The following BBOX1 variants were observed in gnomAD, a reference collection of about 807,000 sequenced individuals.
The protein encoded by BBOX1 is gamma-butyrobetaine dioxygenase.
Under a neutral mutation model 41.6 loss-of-function variants are expected in BBOX1, and 35 were observed. That is an observed-to-expected ratio of 0.84 (90% CI 0.64 to 1.11). The LOEUF is 1.11. Among genes scored for constraint, BBOX1 ranks in the 50% most tolerant of loss-of-function variants. The probability of loss-of-function intolerance (pLI) is 0.00; values close to 1 mark genes in which losing one functional copy is unlikely to be tolerated. For synonymous variants in BBOX1, 163 were observed against 154.7 expected, an observed-to-expected ratio of 1.05 and a Z score of -0.40; for missense variants, 458 against 460.6, an observed-to-expected ratio of 0.99 and a Z score of 0.05.
At chr11:27,117,004 C>T (rs964286592) in intron 6 of BBOX1, among the ~76,000 whole-genome samples, 3 of 151,970 alleles carry the variant, frequency 2.0e-5, no homozygotes, top group Non-Finnish European at 2.9e-5. Context: ...TCTGGGTGGA[C>T]ATTCTTTCTC....
intron 4 of BBOX1, among the ~76,000 whole-genome samples, chr11:27,086,109 T>A (rs919607102): frequency 3.3e-5 from 5 of 152,012 alleles, no homozygotes; most frequent in African/African-American, 1.2e-4. Flanking sequence ...AAGTGCAAGG[T>A]GAAGTAGCAA....
chr11:27,095,791 A>G (rs72878450), intron 5 of BBOX1, among the ~76,000 whole-genome samples: 7,984 of 152,064 alleles, frequency 0.053, 351 homozygotes, highest in South Asian at 0.22. Flanking sequence ...GAGAATAAGA[A>G]AAATAAATAT....
intron 4 of BBOX1, among the ~76,000 whole-genome samples, chr11:27,090,397 A>G (rs1188880715): frequency 6.6e-6 from 1 of 151,860 alleles, no homozygotes; most frequent in Non-Finnish European, 1.5e-5. Flanking sequence ...GGGTTTCAAA[A>G]AGGGTGGGGG....
chr11:27,090,476 G>A (rs561065577), intron 4 of BBOX1, among the ~76,000 whole-genome samples: 31 of 152,006 alleles, frequency 2.0e-4, no homozygotes, highest in African/African-American at 6.5e-4. Flanking sequence ...ACTAGTAAGG[G>A]TCTAACAAAG....
intron 4 of BBOX1, among the ~76,000 whole-genome samples, chr11:27,090,812 C>A (rs764241253): frequency 2.0e-5 from 3 of 151,860 alleles, no homozygotes; most frequent in African/African-American, 7.2e-5. Context: ...AGACCTCCCC[C>A]AGGAATGCAT....
At chr11:27,113,770 A>G (rs1859162032) in intron 5 of BBOX1, among the ~76,000 whole-genome samples, 4 of 151,428 alleles carry the variant, frequency 2.6e-5, no homozygotes, top group Admixed American at 2.0e-4. Context: ...CAATTTACCT[A>G]TATAACAAAC....
chr11:27,070,053 T>A (rs1469673300), intron 4 of BBOX1, among the ~76,000 whole-genome samples: 3 of 152,180 alleles, frequency 2.0e-5, no homozygotes, highest in Non-Finnish European at 2.9e-5. Flanking sequence ...ATTGTTTAAT[T>A]TCCATGGGTT....
intron 5 of BBOX1, among the ~76,000 whole-genome samples, chr11:27,094,432 A>C (rs1356093996): frequency 1.3e-5 from 2 of 151,986 alleles, no homozygotes; most frequent in Admixed American, 6.6e-5. Context: ...CATGATGTTG[A>C]AAGAAAATGG....
intron 4 of BBOX1, among the ~76,000 whole-genome samples, chr11:27,070,654 C>G (rs926245416): frequency 6.7e-6 from 1 of 149,646 alleles, no homozygotes; most frequent in Non-Finnish European, 1.5e-5. Context: ...TGTATGAATC[C>G]TTATGTGTTA....
chr11:27,075,992 C>A (rs991059862), intron 4 of BBOX1, among the ~76,000 whole-genome samples: 2 of 152,248 alleles, frequency 1.3e-5, no homozygotes, highest in African/African-American at 4.8e-5. Context: ...CTGAAAGACA[C>A]TTCCCACCAG....
Position 27,126,738 on chromosome 11 carries a change from T to G in BBOX1, c.1004-555T>G, listed in dbSNP as rs779872981. 3.0e-3 allele frequency among the ~76,000 whole-genome samples: 450 copies of G among 150,228 alleles called. 3 individuals carry two copies. The highest frequency in any genetic ancestry group is 5.3e-3 in the Non-Finnish European group (360 of 67,666). On this transcript the variant is annotated intron_variant, in intron 8 of 8. Transcript: ENST00000263182. ...TCGCCCAGGCTGGAGTACAGTGGCGTGATCTCGGCTCACTGCAAGCTCCGC... is the reference window on the plus strand; with the variant it reads ...TCGCCCAGGCTGGAGTACAGTGGCGGGATCTCGGCTCACTGCAAGCTCCGC...
At position 27,117,071 on chromosome 11, in the gene BBOX1, A is replaced by G. The variant is rs180829937; in HGVS notation, c.639+1514A>G. ...TGAGCTACATTTTTACAAAATCATC[A>G]TTTTATTACACCAAAAATAAGTGGT... On this transcript the variant is annotated intron_variant, in intron 6 of 8. Coordinates refer to ENST00000263182, the MANE Select transcript of BBOX1 (RefSeq NM_003986.3). Among the ~76,000 whole-genome samples the G allele has an allele frequency of 4.8e-4, 73 of 152,140 alleles. No homozygotes were observed. In the South Asian group the frequency reaches 0.011, roughly 22 times the overall value.
At chr11:27,081,218 G>A (rs1224033174) in intron 4 of BBOX1, among the ~76,000 whole-genome samples, 3 of 152,050 alleles carry the variant, frequency 2.0e-5, no homozygotes, top group Non-Finnish European at 4.4e-5. Context: ...ATGAATCCAG[G>A]AGACAAATAC....
At chr11:27,098,002 A>C (rs890453961) in intron 5 of BBOX1, among the ~76,000 whole-genome samples, 8 of 152,112 alleles carry the variant, frequency 5.3e-5, no homozygotes, top group South Asian at 4.2e-4. Flanking sequence ...CCCCTAAATC[A>C]GTCCCTTTCT....
rs565819813 is a variant in BBOX1 at position 27,112,361 on chromosome 11, T to C, written c.534-3091T>C. ...TTATTTTGGAGAAGACAGAAGTGTC[T>C]GTGACTGTGACAGGGCACACGTAGG... On this transcript the variant is annotated intron_variant, in intron 5 of 8. Coordinates refer to ENST00000263182, the MANE Select transcript of BBOX1 (RefSeq NM_003986.3). Among the ~76,000 whole-genome samples, 4 of 152,108 alleles carry C rather than the reference T, an allele frequency of 2.6e-5. No individual in the cohort carries two copies. The East Asian group carries it at 7.7e-4, about 29-fold the overall frequency.
chr11:27,066,030 G>A (rs2133981836), intron 4 of BBOX1, among the ~76,000 whole-genome samples: 1 of 152,150 alleles, frequency 6.6e-6, no homozygotes, highest in East Asian at 1.9e-4. Flanking sequence ...TAGTTTAGTT[G>A]CCACATTGAG....
At chr11:27,099,704 G>A (rs563609763) in intron 5 of BBOX1, among the ~76,000 whole-genome samples, 7 of 152,208 alleles carry the variant, frequency 4.6e-5, no homozygotes, top group African/African-American at 7.2e-5. Flanking sequence ...GTTTGTAAGC[G>A]AGAAGTCGAT....
intron 4 of BBOX1, among the ~76,000 whole-genome samples, chr11:27,062,622 G>A (rs113262560): frequency 0.054 from 8,173 of 151,706 alleles, 326 homozygotes; most frequent in Non-Finnish European, 0.076. Flanking sequence ...GCAGTGGAGC[G>A]ATCTCGGCTC....
chr11:27,070,515 C>A (rs1045057680), intron 4 of BBOX1, among the ~76,000 whole-genome samples: 3 of 151,584 alleles, frequency 2.0e-5, no homozygotes, highest in African/African-American at 4.8e-5. Context: ...GTATAATGAC[C>A]CTCTTTCTTT....
Sources: gnomAD v4.1 joint callset for allele counts (sites outside exome capture counted in the v4.1 genomes callset) on GRCh38, gnomAD v4.1.1 for gene constraint, MANE v1.5 for transcripts, NCBI Gene and HGNC (gene_info 2026-07-23, HGNC 2026-07-21) for gene names.